HMGXB3: variants seen among roughly 807,000 people sequenced by gnomAD.
The protein encoded by HMGXB3 is HMG domain-containing protein 3.
Under a neutral mutation model 121.5 loss-of-function variants are expected in HMGXB3, and 45 were observed. That is an observed-to-expected ratio of 0.37 (90% CI 0.29 to 0.47). The LOEUF is 0.47. HMGXB3 is among the 20% of genes least tolerant of loss of function. The pLI is 0.99. For synonymous variants in HMGXB3, 590 were observed against 624.1 expected, an observed-to-expected ratio of 0.95 and a Z score of 0.81; for missense variants, 1,376 against 1,602.2, an observed-to-expected ratio of 0.86 and a Z score of 2.41.
chr5:150,036,594 T>C (rs1452330797), intron 11 of HMGXB3, 42 bp from the exon 12 acceptor site: 1 of 1,474,298 alleles, frequency 6.8e-7, no homozygotes, highest in South Asian at 1.4e-5. Context: ...AGCTGGCTCT[T>C]TCTGCTCTGA....
In HMGXB3 at chr5:150,027,655, G is replaced by A. The variant is rs372394000; in HGVS notation, c.1734+538G>A. On this transcript the variant is annotated intron_variant, in intron 9 of 19. Transcript: ENST00000502717. Reference sequence around the variant, plus strand: ...AACCTCCACCTCCTGGGTTCAAGTGGTTCTCCTGCCTCAGCCTTTCCTGAG... The same window carrying A: ...AACCTCCACCTCCTGGGTTCAAGTGATTCTCCTGCCTCAGCCTTTCCTGAG... 1.4e-4 allele frequency among the ~76,000 whole-genome samples: 21 copies of A among 152,030 alleles called. No individual in the cohort carries two copies. In the South Asian group the frequency reaches 4.2e-3, roughly 30 times the overall value.
intron 9 of HMGXB3, among the ~76,000 whole-genome samples, chr5:150,029,749 C>T (rs1370307417): frequency 1.3e-5 from 2 of 152,216 alleles, no homozygotes; most frequent in Non-Finnish European, 2.9e-5. Context: ...TGTTCTTTGT[C>T]AGTTAACTTC....
intron 16 of HMGXB3, among the ~76,000 whole-genome samples, chr5:150,046,322 A>G (rs116294715): frequency 0.018 from 2,670 of 152,346 alleles, 69 homozygotes; most frequent in African/African-American, 0.061. Context: ...ATAGTGAGAA[A>G]TACATTTTGT....
intron 10 of HMGXB3, among the ~76,000 whole-genome samples, chr5:150,031,340 G>A (rs560761399): frequency 4.6e-5 from 7 of 152,292 alleles, no homozygotes; most frequent in Non-Finnish European, 8.8e-5. Context: ...ACATATTAAC[G>A]TCCTAATGGA....
intron 6 of HMGXB3, chr5:150,021,472 T>C (rs573737673): frequency 7.5e-4 from 187 of 248,476 alleles, no homozygotes; most frequent in African/African-American, 2.2e-3. Context: ...CAGGATGGCT[T>C]TGAATGAAGC....
intron 13 of HMGXB3, 132 bp from the exon 14 acceptor site, chr5:150,040,616 G>A (rs889762818): frequency 3.5e-6 from 3 of 858,000 alleles, no homozygotes; most frequent in East Asian, 2.9e-5. Flanking sequence ...GGGCTCAAGC[G>A]ATCCTCCTGC....
chr5:150,007,149 T>A (rs1325270113), intron 3 of HMGXB3, among the ~76,000 whole-genome samples: 1 of 152,218 alleles, frequency 6.6e-6, no homozygotes, highest in Non-Finnish European at 1.5e-5. Context: ...TTGGAAACTA[T>A]GCTGAAAGCA....
At chr5:150,022,470 C>T (rs1019113438) in intron 6 of HMGXB3, among the ~76,000 whole-genome samples, 13 of 152,264 alleles carry the variant, frequency 8.5e-5, no homozygotes, top group African/African-American at 3.1e-4. Flanking sequence ...CCTGCAGCCT[C>T]AGAGAATTTT....
intron 6 of HMGXB3, among the ~76,000 whole-genome samples, chr5:150,019,969 A>G (rs1446328988): frequency 1.3e-5 from 2 of 152,170 alleles, no homozygotes; most frequent in African/African-American, 4.8e-5. Context: ...TAGCTACCTC[A>G]GTTCAGACCC....
chr5:150,033,529 G>A (rs1756429301), intron 11 of HMGXB3, among the ~76,000 whole-genome samples: 2 of 152,182 alleles, frequency 1.3e-5, no homozygotes, highest in Admixed American at 1.3e-4. Flanking sequence ...CATGAAGAGT[G>A]TTCCATTTGG....
At chr5:150,041,107 C>T (rs1403977684) in intron 14 of HMGXB3, among the ~76,000 whole-genome samples, 1 of 152,194 alleles carries the variant, frequency 6.6e-6, no homozygotes, top group Non-Finnish European at 1.5e-5. Flanking sequence ...CAAGAGATTA[C>T]GAGTGACTTG....
chr5:150,032,308 G>C (rs1756398971), intron 10 of HMGXB3, 146 bp from the exon 11 acceptor site: 2 of 770,498 alleles, frequency 2.6e-6, no homozygotes, highest in East Asian at 2.7e-5. Context: ...CTGCAGAAAA[G>C]GTTAAGGCTC....
chr5:150,011,373 T>G (rs747336974), intron 4 of HMGXB3, among the ~76,000 whole-genome samples: 1 of 152,134 alleles, frequency 6.6e-6, no homozygotes, highest in Non-Finnish European at 1.5e-5. Context: ...CATAGTATAA[T>G]ATATAACCTG....
At chr5:150,050,218 A>T in intron 18 of HMGXB3, 34 bp from the exon 19 acceptor site, 1 of 1,529,410 alleles carries the variant, frequency 6.5e-7, no homozygotes, top group Non-Finnish European at 8.9e-7. Context: ...TGGCTTCCTA[A>T]TTAACCCTGC....
intron 19 of HMGXB3, 73 bp downstream of exon 19, chr5:150,050,534 T>C (rs865835534): frequency 8.3e-7 from 1 of 1,201,436 alleles, no homozygotes; most frequent in Middle Eastern, 2.1e-4. Context: ...CAGGCTGGAG[T>C]GCAGTGGTGT....
In HMGXB3 at chr5:150,045,677, C is replaced by T. The variant is rs1257985036; in HGVS notation, c.2942C>T (p.Pro981Leu). 6.4e-7 allele frequency: 1 copy of T among 1,551,514 alleles called. No individual in the cohort carries two copies. Among genetic ancestry groups the T allele is most frequent in the African/African-American group, 1.4e-5 (1 of 73,026 alleles). ...TEKDKNLDVQ[P>L]VPGSGSALVR... ...AAAGACAAAAACCTGGATGTGCAGC[C>T]AGTACCTGGTAAGGCCACCTGGTGG... Residue 981 changes from proline (P) to leucine (L), a missense_variant, in exon 16 of 20, where the codon CCA becomes CTA. By Grantham distance (98) the Pro-to-Leu change is moderately conservative. This residue lies in a region of HMGXB3 where 1,116 missense variants were observed against 1,369.0 expected (regional missense o/e 0.82). Coordinates refer to ENST00000502717, the MANE Select transcript of HMGXB3 (RefSeq NM_014983.3).
rs1164116947 is a variant in HMGXB3, at chr5:150,051,799, C to G, written c.3486C>G (p.His1162Gln). ...CAGAAACTGAGCACTCTATCCAGCA[C>G]CCAGTCACCAAGACTGCCACGCGGC... ...DMTETEHSIQ[H>Q]PVTKTATRRI... The change falls in exon 20 of 20, where the codon CAC becomes CAG. Residue 1162 changes from histidine to glutamine, a missense_variant. His to Gln is a conservative substitution (Grantham distance 24, BLOSUM62 0). This residue lies in a region of HMGXB3 where 260 missense variants were observed against 233.2 expected (regional missense o/e 1.11). Transcript: ENST00000502717. The G allele has an allele frequency of 6.5e-7, 1 of 1,547,354 alleles. No homozygotes were observed. The highest frequency in any genetic ancestry group is 8.7e-7 in the Non-Finnish European group (1 of 1,147,090).
rs753779243 is a variant in HMGXB3 at position 150,004,834 on chromosome 5, ACTTTC to A, written c.-2-7_-2-3del. On this transcript the variant is annotated splice_polypyrimidine_tract_variant and intron_variant, in intron 1 of 19. Coordinates refer to ENST00000502717, the MANE Select transcript of HMGXB3 (RefSeq NM_014983.3). ...GGGAGATTCTGGAAACTTTATTTTG[ACTTTC>A]CTTTCCTTTAGCCATGGACGCATCA... 99 of 1,518,880 alleles carry A rather than the reference ACTTTC, an allele frequency of 6.5e-5. 1 individual carries two copies. The highest frequency in any genetic ancestry group is 8.4e-5 in the African/African-American group (6 of 71,310). The allele number at this position is 1,518,880 out of a possible 1,614,324, so 94.1% of individuals were successfully genotyped here. A position where few individuals can be genotyped will look rare whatever the true frequency, so the allele number is the denominator to read the frequency against.
intron 6 of HMGXB3, among the ~76,000 whole-genome samples, chr5:150,019,750 A>AT (rs1491542743): frequency 6.6e-6 from 1 of 152,226 alleles, no homozygotes; most frequent in East Asian, 1.9e-4. Context: ...TGATTATCAC[A>AT]TGTTTAACTC....
Sources: allele counts gnomAD v4.1 joint callset (sites outside exome capture counted in the v4.1 genomes callset), GRCh38; gene constraint gnomAD v4.1.1; regional missense constraint gnomAD v4.1.1; transcripts MANE v1.5; gene names NCBI Gene and HGNC (gene_info 2026-07-23, HGNC 2026-07-21).